VPS13D: variants seen among roughly 807,000 people sequenced by gnomAD.
The protein encoded by VPS13D is vacuolar protein sorting 13 homolog D.
A neutral mutation model predicts 461.9 loss-of-function variants in VPS13D; 187 were observed. The ratio of observed to expected loss-of-function variants is 0.40; its 90% confidence interval spans 0.36 to 0.46. The LOEUF is 0.46. Among genes scored for constraint, VPS13D ranks in the 20% least tolerant of loss-of-function variants. VPS13D has a pLI of 0.60. For missense variants in VPS13D, 4,711 were observed against 5,364.9 expected, an observed-to-expected ratio of 0.88 and a Z score of 3.81; for synonymous variants, 1,951 against 1,986.3, an observed-to-expected ratio of 0.98 and a Z score of 0.47.
chr1:12,318,003 C>T, intron 30 of VPS13D, 69 bp from the exon 31 acceptor site: 2 of 1,493,310 alleles, frequency 1.3e-6, no homozygotes. Context: ...CTGAGCAGTA[C>T]ATTTGCAGGT....
intron 33 of VPS13D, among the ~76,000 whole-genome samples, 186 bp from the exon 34 acceptor site, chr1:12,322,350 G>A (rs1057509759): frequency 2.0e-5 from 3 of 152,184 alleles, no homozygotes; most frequent in Non-Finnish European, 4.4e-5. Context: ...TGACCTCATA[G>A]TTGAGACATC....
At chr1:12,488,669 CAAAAAAA>C (rs79424685) in intron 67 of VPS13D, among the ~76,000 whole-genome samples, 27 of 82,804 alleles carry the variant, frequency 3.3e-4, no homozygotes, top group African/African-American at 1.1e-3. Context: ...TCATTTGAAC[CAAAAAAA>C]AAAAAAAAAA....
rs575998584 is a variant in VPS13D at position 12,416,545 on chromosome 1, G to A, written c.12166-115G>A. On this transcript the variant is annotated intron_variant, in intron 64 of 69. Coordinates refer to ENST00000620676, the MANE Select transcript of VPS13D (RefSeq NM_015378.4). Reference sequence around the variant, plus strand: ...TTAAAAGCTTTTAATCTCGTTACTTGTAGTAATGAGAATGGAGAACAAAAT... The same window carrying A: ...TTAAAAGCTTTTAATCTCGTTACTTATAGTAATGAGAATGGAGAACAAAAT... 1.8e-5 allele frequency: 19 copies of A among 1,084,994 alleles called. No individual in the cohort carries two copies. In the East Asian group the frequency reaches 4.5e-4, roughly 26 times the overall value. The allele number at this position is 1,084,994 out of a possible 1,614,324, so 67.2% of individuals were successfully genotyped here.
chr1:12,277,821 G>A lies in VPS13D; in HGVS notation c.4233G>A (p.Val1411=), dbSNP rs1249893734. The change falls in exon 19 of 70, where the codon GTG becomes GTA. Residue 1411 remains valine (V), a synonymous_variant. Coordinates refer to ENST00000620676, the MANE Select transcript of VPS13D (RefSeq NM_015378.4). ...GACAGATATTCATCCAGAATTTTGT[G>A]GCGGGAGATGATGAATCCAGAAGTG... ...HLGQIFIQNF[V]AGDDESRSDR... 6.2e-7 allele frequency: 1 copy of A among 1,614,058 alleles called. No individual in the cohort carries two copies. The highest frequency in any genetic ancestry group is 1.1e-5 in the South Asian group (1 of 91,076).
chr1:12,240,623 G>T (rs1482541730), intron 2 of VPS13D, among the ~76,000 whole-genome samples: 4 of 142,570 alleles, frequency 2.8e-5, no homozygotes, highest in Non-Finnish European at 4.5e-5. Context: ...AAAAAAGGCA[G>T]TTCGAAGCAT....
intron 68 of VPS13D, among the ~76,000 whole-genome samples, chr1:12,506,286 A>G (rs932382624): frequency 6.6e-6 from 1 of 152,232 alleles, no homozygotes; most frequent in Admixed American, 6.5e-5. Flanking sequence ...AACAACTAGA[A>G]GTTTCCAAAA....
In VPS13D at chr1:12,311,436, C is replaced by CT; in HGVS notation, c.6651-12dup. On this transcript the variant is annotated splice_polypyrimidine_tract_variant and intron_variant, in intron 27 of 69. Coordinates refer to ENST00000620676, the MANE Select transcript of VPS13D (RefSeq NM_015378.4). ...TTAGTGACTTGTCTGTGTAAGTGAT[C>CT]TTTTTTCTTTTTCATAGAGAAATAA... 1 of 1,593,524 alleles carries CT rather than the reference C, an allele frequency of 6.3e-7. No individual in the cohort carries two copies.
At chr1:12,463,072 A>C (rs544171812) in intron 67 of VPS13D, among the ~76,000 whole-genome samples, 6 of 152,328 alleles carry the variant, frequency 3.9e-5, no homozygotes, top group African/African-American at 1.2e-4. Context: ...AAAGGAAAAA[A>C]AAAAACAACA....
chr1:12,304,795 AG>A (rs1642516781), intron 26 of VPS13D, 67 bp downstream of exon 26: 3 of 1,482,792 alleles, frequency 2.0e-6, no homozygotes, highest in Admixed American at 1.8e-5. Flanking sequence ...GAGGAAACTG[AG>A]GGGGGTGGGC....
chr1:12,277,569 A>G lies in VPS13D; in HGVS notation c.3981A>G (p.Thr1327=). 2 of 1,614,018 alleles carry G rather than the reference A, an allele frequency of 1.2e-6. No homozygotes were observed. Among genetic ancestry groups the G allele is most frequent in the East Asian group, 2.2e-5 (1 of 44,894 alleles). Residue 1327 remains threonine (T), a synonymous_variant, in exon 19 of 70, where the codon ACA becomes ACG. Transcript: ENST00000620676. ...MLKSAATKVT[T]VLATKTAEYS... ...AAAGCGCAGCCACCAAAGTCACCAC[A>G]GTACTAGCTACCAAGACTGCCGAGT...
At chr1:12,257,664 G>A (rs1403622113) in intron 9 of VPS13D, among the ~76,000 whole-genome samples, 4 of 152,154 alleles carry the variant, frequency 2.6e-5, no homozygotes, top group Non-Finnish European at 5.9e-5. Flanking sequence ...TCGATATTCT[G>A]TCAGTAGAGG....
intron 65 of VPS13D, among the ~76,000 whole-genome samples, chr1:12,454,145 A>G (rs1645296662): frequency 6.6e-6 from 1 of 152,142 alleles, no homozygotes; most frequent in South Asian, 2.1e-4. Context: ...ATGACAAAGT[A>G]GGTACTCTGG....
In VPS13D at chr1:12,250,417, C is replaced by G. The variant is rs72864969; in HGVS notation, c.564+1078C>G. Among the ~76,000 whole-genome samples, 630 of 152,250 alleles carry G rather than the reference C, an allele frequency of 4.1e-3. 4 individuals are homozygous for G. The highest frequency in any genetic ancestry group is 0.014 in the African/African-American group (593 of 41,552). On this transcript the variant is annotated intron_variant, in intron 6 of 69. Transcript: ENST00000620676. The stretch of plus-strand genomic sequence containing the variant: ...CAATGACACTCCTGTCAGGAACTTC[C>G]AAGGGTTTTAGGAATTCTGTGCCAG...
Position 12,304,388 on chromosome 1 carries a change from G to T in VPS13D, c.6217-118G>T, listed in dbSNP as rs941143397. 3 of 878,390 alleles carry T rather than the reference G, an allele frequency of 3.4e-6. No homozygotes were observed. In the African/African-American group the frequency reaches 5.1e-5, roughly 15 times the overall value. 54.4% of individuals were successfully genotyped at this position (878,390 alleles called of 1,614,324 possible). On this transcript the variant is annotated intron_variant, in intron 25 of 69. Transcript: ENST00000620676. ...CTGAGGGAAGTATAAGTATTATAGAGTCTTTGAAGACCCTAGGGACTGGGA... is the reference window on the plus strand; with the variant it reads ...CTGAGGGAAGTATAAGTATTATAGATTCTTTGAAGACCCTAGGGACTGGGA...
chr1:12,242,422 A>G (rs1640408102), intron 2 of VPS13D, 91 bp from the exon 3 acceptor site: 2 of 1,177,038 alleles, frequency 1.7e-6, no homozygotes, highest in Non-Finnish European at 2.5e-6. Context: ...TATATGTAAA[A>G]CTTTCCCTTT....
At chr1:12,491,151 A>T (rs570832654) in intron 67 of VPS13D, among the ~76,000 whole-genome samples, 77 of 152,332 alleles carry the variant, frequency 5.1e-4, no homozygotes, top group African/African-American at 1.6e-3. Flanking sequence ...AAGATACTTG[A>T]TTAAAACAAA....
intron 9 of VPS13D, 148 bp from the exon 10 acceptor site, chr1:12,257,787 A>G: frequency 1.0e-6 from 1 of 966,600 alleles, no homozygotes; most frequent in East Asian, 2.5e-5. Context: ...GTGGTTTAAT[A>G]TTAAGACGAA....
rs754405704 is a variant in VPS13D at position 12,276,770 on chromosome 1, G to A, written c.3182G>A (p.Arg1061Gln). The part of the protein sequence containing the change: ...HLTDGATLND[R>Q]SATSVSLDKI... ...ACTGATGGAGCTACACTGAACGACC[G>A]ATCAGCTACTAGTGTTTCACTTGAC... Residue 1061 changes from arginine (R) to glutamine (Q), a missense_variant, in exon 19 of 70, where the codon CGA (arginine) becomes CAA (glutamine). Coordinates refer to ENST00000620676, the MANE Select transcript of VPS13D (RefSeq NM_015378.4). This position sits in a 1 kb window ranked among gnomAD's most constrained non-coding sequence, Gnocchi z 4.5. The A allele has an allele frequency of 5.0e-6, 8 of 1,614,054 alleles. No individual in the cohort carries two copies. The highest frequency in any genetic ancestry group is 4.4e-5 in the South Asian group (4 of 91,086).
chr1:12,420,268 G>A (rs1393882837), intron 65 of VPS13D, among the ~76,000 whole-genome samples: 3 of 152,196 alleles, frequency 2.0e-5, no homozygotes, highest in Non-Finnish European at 4.4e-5. Context: ...TTTGTGGGTT[G>A]AAATCAACGT....
Sources: allele counts gnomAD v4.1 joint callset (sites outside exome capture counted in the v4.1 genomes callset), GRCh38; gene constraint gnomAD v4.1.1; non-coding constraint Gnocchi (gnomAD v3.1); transcripts MANE v1.5; gene names NCBI Gene and HGNC (gene_info 2026-07-23, HGNC 2026-07-21).